Variants in ATP11C observed in about 807,000 individuals in gnomAD.
The protein encoded by ATP11C is ATPase phospholipid transporting 11C (ATP11C blood group).
A neutral mutation model predicts 97.4 loss-of-function variants in ATP11C; 36 were observed. That is an observed-to-expected ratio of 0.37 (90% CI 0.28 to 0.49). The LOEUF (loss-of-function observed/expected upper bound fraction) is 0.49. Among genes scored for constraint, ATP11C ranks in the 20% least tolerant of loss-of-function variants. The pLI is 0.98. For synonymous variants in ATP11C, 275 were observed against 290.9 expected, an observed-to-expected ratio of 0.95 and a Z score of 0.56; for missense variants, 730 against 824.6, an observed-to-expected ratio of 0.89 and a Z score of 1.40.
chrX:139,841,010 G>C (rs1410458240), intron 1 of ATP11C, among the ~76,000 whole-genome samples: 1 of 111,541 alleles, frequency 9.0e-6, no homozygotes, highest in Admixed American at 9.5e-5. Context: ...AAAATCTATG[G>C]AAATAAAAAA....
chrX:139,917,505 A>AC (rs1048549086), intron 1 of ATP11C, among the ~76,000 whole-genome samples: 8 of 110,981 alleles, frequency 7.2e-5, no homozygotes, highest in East Asian at 2.8e-4. Flanking sequence ...AAAGGAAATA[A>AC]CCCCCCCGCA....
chrX:139,794,695 T>C (rs1210267001), intron 12 of ATP11C, among the ~76,000 whole-genome samples: 1 of 112,022 alleles, frequency 8.9e-6, no homozygotes, highest in Non-Finnish European at 1.9e-5. Context: ...GAAGACTGCA[T>C]TCCCATAGGT....
chrX:139,783,277 A>G lies in ATP11C; in HGVS notation c.1667-10T>C. On this transcript the variant is annotated splice_polypyrimidine_tract_variant and intron_variant, in intron 16 of 29. Coordinates refer to ENST00000682941, the MANE Select transcript of ATP11C (RefSeq NM_001353812.2). ...AAGAGAAGTATGTCTCCTAAAATAA[A>G]GAACCATAGTACTTGACTTAGAATT... 8.8e-7 allele frequency: 1 copy of G among 1,139,146 alleles called. No homozygotes were observed. Among genetic ancestry groups the G allele is most frequent in the Non-Finnish European group, 1.2e-6 (1 of 833,380 alleles). 93.9% of individuals were successfully genotyped at this position (1,139,146 alleles called of 1,213,427 possible). A position where few individuals can be genotyped will look rare whatever the true frequency, so the allele number is the denominator to read the frequency against.
intron 17 of ATP11C, 24 bp from the exon 18 acceptor site, chrX:139,782,752 T>C (rs376879421): frequency 1.0e-5 from 11 of 1,067,825 alleles, no homozygotes; most frequent in African/African-American, 1.9e-5. Context: ...AGGAGATCTG[T>C]AGTTATTCTA....
intron 3 of ATP11C, among the ~76,000 whole-genome samples, chrX:139,817,688 G>T (rs2147848925): frequency 8.9e-6 from 1 of 112,360 alleles, no homozygotes; most frequent in African/African-American, 3.2e-5. Flanking sequence ...TATTTAGGAG[G>T]CTATTGCTGT....
intron 1 of ATP11C, among the ~76,000 whole-genome samples, chrX:139,901,710 G>T (rs188022315): frequency 1.8e-5 from 2 of 111,762 alleles, no homozygotes; most frequent in African/African-American, 6.5e-5. Flanking sequence ...TCAGACCAAG[G>T]AACACACTGT....
chrX:139,871,103 ATG>A (rs1032955271), intron 1 of ATP11C, among the ~76,000 whole-genome samples: 4 of 106,629 alleles, frequency 3.8e-5, no homozygotes, highest in Admixed American at 1.0e-4. Context: ...CACTGTGTAT[ATG>A]TGTGTGTGTG....
intron 1 of ATP11C, among the ~76,000 whole-genome samples, chrX:139,834,544 TAA>T (rs2083717529): frequency 8.9e-6 from 1 of 112,062 alleles, no homozygotes; most frequent in African/African-American, 3.2e-5. Context: ...AAAACATGCT[TAA>T]AAGAGACTAT....
In ATP11C at chrX:139,932,879, G is replaced by C. The variant is rs1180548581; in HGVS notation, c.-837C>G. 1 of 111,400 alleles carries C rather than the reference G, an allele frequency of 9.0e-6. No homozygotes were observed. Among genetic ancestry groups the C allele is most frequent in the Non-Finnish European group, 1.9e-5 (1 of 52,809 alleles). The allele number at this position is 111,400 out of a possible 1,213,427, so 9.2% of individuals were successfully genotyped here. On this transcript the variant is annotated 5_prime_UTR_variant, in exon 1 of 30. Coordinates refer to ENST00000682941, the MANE Select transcript of ATP11C (RefSeq NM_001353812.2). Reference sequence around the variant, plus strand: ...CGGGGCGGGGTGCGAGGGGGGACTAGTTCTGAAAGCCCACCCTCCTCATCT... The same window carrying C: ...CGGGGCGGGGTGCGAGGGGGGACTACTTCTGAAAGCCCACCCTCCTCATCT...
At chrX:139,785,670 T>C (rs1246255128) in intron 15 of ATP11C, among the ~76,000 whole-genome samples, 1 of 111,844 alleles carries the variant, frequency 8.9e-6, no homozygotes, top group African/African-American at 3.3e-5. Context: ...TGCTAGGTGC[T>C]GGGGAATAGA....
At chrX:139,786,210 G>A (rs1273828228) in intron 15 of ATP11C, among the ~76,000 whole-genome samples, 1 of 111,829 alleles carries the variant, frequency 8.9e-6, no homozygotes, top group African/African-American at 3.2e-5. Context: ...TAAAATAAGA[G>A]TTGGTTATTA....
intron 20 of ATP11C, among the ~76,000 whole-genome samples, chrX:139,764,713 G>T (rs2082101719): frequency 1.8e-5 from 2 of 112,178 alleles, no homozygotes; most frequent in African/African-American, 6.5e-5. Flanking sequence ...TCTTTAAATA[G>T]AATTCAATCA....
chrX:139,851,716 C>G (rs534086403), intron 1 of ATP11C, among the ~76,000 whole-genome samples: 5 of 111,949 alleles, frequency 4.5e-5, no homozygotes, highest in Middle Eastern at 4.7e-3. Flanking sequence ...GGCCAAATCT[C>G]TATCCCAGTG....
chrX:139,778,068 G>A (rs2082383839), intron 18 of ATP11C, among the ~76,000 whole-genome samples: 1 of 110,771 alleles, frequency 9.0e-6, no homozygotes, highest in Non-Finnish European at 1.9e-5. Context: ...TGCTGCCCAG[G>A]CTGGCTGTGA....
chrX:139,821,938 T>C (rs2083417125), intron 2 of ATP11C, among the ~76,000 whole-genome samples: 1 of 112,488 alleles, frequency 8.9e-6, no homozygotes, highest in Non-Finnish European at 1.9e-5. Context: ...GTCTACTTTT[T>C]AGAGTTTTCT....
intron 1 of ATP11C, among the ~76,000 whole-genome samples, chrX:139,856,213 AG>A (rs2084087484): frequency 8.9e-6 from 1 of 112,376 alleles, no homozygotes; most frequent in South Asian, 3.7e-4. Context: ...GCTCTTTTCC[AG>A]GATTCTACAG....
In ATP11C at chrX:139,826,397, G is replaced by A. The variant is rs1293910613; in HGVS notation, c.147+307C>T. ...GTTCATCCATTCAAGGGTAATTCAG[G>A]AAGCTTTGCACAAGTAAGTAATTTG... On this transcript the variant is annotated intron_variant, in intron 2 of 29. Transcript: ENST00000682941. Among the ~76,000 whole-genome samples, 10 of 110,328 alleles carry A rather than the reference G, an allele frequency of 9.1e-5. No individual in the cohort carries two copies. In the Admixed American group the frequency reaches 9.6e-4, roughly 11 times the overall value.
At chrX:139,855,831 G>C (rs1489201310) in intron 1 of ATP11C, among the ~76,000 whole-genome samples, 1 of 111,109 alleles carries the variant, frequency 9.0e-6, no homozygotes, top group East Asian at 2.8e-4. Flanking sequence ...ATTTAATCTG[G>C]GGAGATTTCG....
Position 139,731,644 on chromosome X carries a change from T to C in ATP11C, c.*3+7A>G, listed in dbSNP as rs1454333473. On this transcript the variant is annotated splice_region_variant and intron_variant, in intron 29 of 29. Transcript: ENST00000682941. ...TAAAGCCAGCCCATTTGTTTAACAC[T>C]AGGTACCTGTTACAATACATTAGAT... The C allele has an allele frequency of 8.9e-7, 1 of 1,125,881 alleles. No individual in the cohort carries two copies. The highest frequency in any genetic ancestry group is 1.2e-6 in the Non-Finnish European group (1 of 833,313). 92.8% of individuals were successfully genotyped at this position (1,125,881 alleles called of 1,213,427 possible). A position where few individuals can be genotyped will look rare whatever the true frequency, so the allele number is the denominator to read the frequency against.
Sources: gnomAD v4.1 joint callset for allele counts (sites outside exome capture counted in the v4.1 genomes callset) on GRCh38, gnomAD v4.1.1 for gene constraint, MANE v1.5 for transcripts, NCBI Gene and HGNC (gene_info 2026-07-23, HGNC 2026-07-21) for gene names.